SLC25A12: variants seen among roughly 807,000 people sequenced by gnomAD.
SLC25A12 encodes the protein electrogenic aspartate/glutamate antiporter SLC25A12, mitochondrial.
A neutral mutation model predicts 83.3 loss-of-function variants in SLC25A12; 32 were observed. That is an observed-to-expected ratio of 0.38 (90% CI 0.29 to 0.52). The LOEUF (loss-of-function observed/expected upper bound fraction) is 0.52, where lower values mean the gene tolerates loss of function less well. SLC25A12 is among the 20% of genes least tolerant of loss of function. SLC25A12 has a pLI of 0.84. For synonymous variants in SLC25A12, 267 were observed against 291.1 expected, an observed-to-expected ratio of 0.92 and a Z score of 0.84; for missense variants, 611 against 835.6, an observed-to-expected ratio of 0.73 and a Z score of 3.31.
At chr2:171,827,484 C>T (rs1474748341) in intron 8 of SLC25A12, among the ~76,000 whole-genome samples, 2 of 152,072 alleles carry the variant, frequency 1.3e-5, no homozygotes, top group Admixed American at 1.3e-4. Flanking sequence ...TGAGCCTTCA[C>T]TTCAGCCTCC....
At chr2:171,871,677 C>T (rs1685461021) in intron 2 of SLC25A12, 1 of 977,118 alleles carries the variant, frequency 1.0e-6, no homozygotes, top group Non-Finnish European at 1.2e-6. Flanking sequence ...GTTAGTTCCT[C>T]TCTCCTCCAC....
intron 5 of SLC25A12, among the ~76,000 whole-genome samples, chr2:171,840,323 C>CTGTA (rs1026347298): frequency 2.6e-5 from 4 of 151,600 alleles, no homozygotes; most frequent in African/African-American, 9.7e-5. Context: ...GAAGTCAAGG[C>CTGTA]TACAGTGAGC....
Position 171,894,068 on chromosome 2 carries a change from G to A in SLC25A12, c.12+135C>T, listed in dbSNP as rs140840535. On this transcript the variant is annotated intron_variant, in intron 1 of 17. Transcript: ENST00000422440. ...GTCCAAGCCCCGCACAGCTCTCCCC[G>A]CAGCAAGCCGGAGCCCCAGGACAAG... is the stretch of plus-strand genomic sequence containing the variant. 1,080 of 1,231,202 alleles carry A rather than the reference G, an allele frequency of 8.8e-4. 7 individuals carry two copies. The Middle Eastern group carries it at 0.017, about 19-fold the overall frequency. 76.3% of individuals were successfully genotyped at this position (1,231,202 alleles called of 1,614,324 possible).
chr2:171,878,570 G>A lies in SLC25A12; in HGVS notation c.67-9747C>T, dbSNP rs570481781. ...GTATTCCTGGGCTTACCACGAGATC[G>A]GTCCTGACTGGTCTAGGCAGCTTTA... On this transcript the variant is annotated intron_variant, in intron 2 of 17. Transcript: ENST00000422440. Among the ~76,000 whole-genome samples the A allele has an allele frequency of 4.6e-5, 7 of 152,140 alleles. No homozygotes were observed. In the South Asian group the frequency reaches 6.2e-4, roughly 14 times the overall value.
intron 4 of SLC25A12, 28 bp downstream of exon 4, chr2:171,855,806 A>C (rs939255138): frequency 6.4e-6 from 8 of 1,252,544 alleles, no homozygotes; most frequent in Middle Eastern, 3.7e-4. Flanking sequence ...TCATTAACTT[A>C]TCACTTATAA....
intron 2 of SLC25A12, among the ~76,000 whole-genome samples, chr2:171,888,421 A>C (rs1685867453): frequency 6.6e-6 from 1 of 150,916 alleles, no homozygotes; most frequent in South Asian, 2.1e-4. Flanking sequence ...CTTTCAAATA[A>C]AAATATATAT....
At chr2:171,874,733 T>C (rs1440916649) in intron 2 of SLC25A12, among the ~76,000 whole-genome samples, 1 of 152,164 alleles carries the variant, frequency 6.6e-6, no homozygotes, top group Non-Finnish European at 1.5e-5. Context: ...TTTGCAACAA[T>C]GTGGATGCAG....
chr2:171,804,603 CAG>C (rs1683783736), intron 13 of SLC25A12, among the ~76,000 whole-genome samples: 1 of 152,148 alleles, frequency 6.6e-6, no homozygotes, highest in Non-Finnish European at 1.5e-5. Flanking sequence ...TTTGTAAAAA[CAG>C]AAAGTATATT....
intron 2 of SLC25A12, among the ~76,000 whole-genome samples, chr2:171,879,695 AG>A (rs1182107358): frequency 6.6e-6 from 1 of 152,222 alleles, no homozygotes; most frequent in African/African-American, 2.4e-5. Flanking sequence ...ACATACAAGA[AG>A]CATATATATG....
At chr2:171,785,548 G>T in intron 17 of SLC25A12, 73 bp from the exon 18 acceptor site, 1 of 1,356,036 alleles carries the variant, frequency 7.4e-7, no homozygotes, top group South Asian at 1.2e-5. Flanking sequence ...GGACATTTTC[G>T]GTCTGACCCA....
intron 17 of SLC25A12, among the ~76,000 whole-genome samples, chr2:171,786,141 C>T (rs1002189952): frequency 1.3e-5 from 2 of 151,396 alleles, no homozygotes; most frequent in East Asian, 1.9e-4. Context: ...TTTGGGAGGC[C>T]GAGGCAGGCG....
chr2:171,803,568 T>C (rs1574683016), intron 13 of SLC25A12, among the ~76,000 whole-genome samples: 2 of 152,176 alleles, frequency 1.3e-5, no homozygotes, highest in Middle Eastern at 6.8e-3. Context: ...CACAATAAGG[T>C]ATCACTTTTC....
rs201557997 is a variant in SLC25A12 at position 171,893,258 on chromosome 2, C to G, written c.13G>C (p.Val5Leu). 3.7e-6 allele frequency: 6 copies of G among 1,613,870 alleles called. No individual in the cohort carries two copies. The highest frequency in any genetic ancestry group is 1.6e-4 in the Middle Eastern group (1 of 6,062). Residue 5 changes from valine to leucine, a missense_variant and splice_region_variant, in exon 2 of 18, where the codon GTG (valine) becomes CTG (leucine). Val to Leu is a conservative substitution (Grantham distance 32). Around this residue, in one of 3 missense-constraint regions of SLC25A12, gnomAD observed 34 missense variants for 23.0 expected, o/e 1.48. Coordinates refer to ENST00000422440, the MANE Select transcript of SLC25A12 (RefSeq NM_003705.5). MAVK[V>L]QTTKRGDPHE... Reference sequence around the variant, plus strand: ...GGATCCCCTCGCTTAGTTGTCTGCACCTGTAAGCAAAAAAGAAAAAAAAGC... The same window carrying G: ...GGATCCCCTCGCTTAGTTGTCTGCAGCTGTAAGCAAAAAAGAAAAAAAAGC...
intron 4 of SLC25A12, among the ~76,000 whole-genome samples, chr2:171,851,406 G>T (rs1272529280): frequency 6.6e-6 from 1 of 150,916 alleles, no homozygotes; most frequent in Non-Finnish European, 1.5e-5. Context: ...GGCCAGGCTG[G>T]TCTCAAACTC....
intron 2 of SLC25A12, among the ~76,000 whole-genome samples, chr2:171,888,544 C>T (rs890020149): frequency 2.6e-5 from 4 of 152,086 alleles, no homozygotes; most frequent in Admixed American, 6.5e-5. Flanking sequence ...CGGGTTCAAG[C>T]GATTCTCCTG....
chr2:171,857,910 T>TCAAAA (rs1033988487), intron 3 of SLC25A12, among the ~76,000 whole-genome samples: 2 of 151,926 alleles, frequency 1.3e-5, no homozygotes, highest in Non-Finnish European at 2.9e-5. Flanking sequence ...GAGACCCATT[T>TCAAAA]CAAAACAAAA....
At chr2:171,870,855 T>G (rs147630033) in intron 2 of SLC25A12, among the ~76,000 whole-genome samples, 188 of 152,326 alleles carry the variant, frequency 1.2e-3, no homozygotes, top group African/African-American at 4.3e-3. Context: ...TCTAGTCAAG[T>G]GTTGCAAACA....
intron 8 of SLC25A12, among the ~76,000 whole-genome samples, chr2:171,829,856 T>C (rs952968462): frequency 1.1e-4 from 16 of 152,202 alleles, no homozygotes; most frequent in Admixed American, 9.8e-4. Flanking sequence ...CTCAGGGTAA[T>C]TGCCCAGGCC....
chr2:171,818,531 G>T (rs972352282), intron 9 of SLC25A12, among the ~76,000 whole-genome samples: 2 of 151,702 alleles, frequency 1.3e-5, no homozygotes, highest in African/African-American at 2.4e-5. Context: ...AGCACTTTGG[G>T]AGGCTGAGGC....
Sources: allele counts gnomAD v4.1 joint callset (sites outside exome capture counted in the v4.1 genomes callset), GRCh38; gene constraint gnomAD v4.1.1; regional missense constraint gnomAD v4.1.1; transcripts MANE v1.5; gene names NCBI Gene and HGNC (gene_info 2026-07-23, HGNC 2026-07-21).